Variants in APBA1 observed in about 807,000 individuals in gnomAD.
APBA1 encodes amyloid-beta A4 precursor protein-binding family A member 1.
Under a neutral mutation model 86.6 loss-of-function variants are expected in APBA1, and 55 were observed. That is an observed-to-expected ratio of 0.64 (90% CI 0.51 to 0.80). The LOEUF is 0.80. Ranked by LOEUF, APBA1 falls within the 30% of genes least tolerant of loss-of-function variation. APBA1 has a pLI of 0.00. For synonymous variants in APBA1, 511 were observed against 493.9 expected (o/e 1.03, Z -0.46); for missense variants, 1,090 against 1,183.0 (o/e 0.92, Z 1.15).
At chr9:69,445,451 G>A (rs949990111) in intron 10 of APBA1, among the ~76,000 whole-genome samples, 2 of 152,098 alleles carry the variant, frequency 1.3e-5, no homozygotes, top group Non-Finnish European at 2.9e-5. Context: ...ACAGTGGAAC[G>A]GTACAGCAAA....
At chr9:69,614,003 T>G (rs980071539) in intron 1 of APBA1, among the ~76,000 whole-genome samples, 1 of 152,220 alleles carries the variant, frequency 6.6e-6, no homozygotes, top group South Asian at 2.1e-4. Context: ...TTGAGTTTTA[T>G]CAAAATAATT....
chr9:69,644,648 G>A (rs898604416), intron 1 of APBA1, among the ~76,000 whole-genome samples: 6 of 152,172 alleles, frequency 3.9e-5, no homozygotes, highest in African/African-American at 7.2e-5. Context: ...GACCCCAAGA[G>A]CTTAAGCTTC....
At chr9:69,579,325 T>C (rs865825734) in intron 1 of APBA1, among the ~76,000 whole-genome samples, 34 of 152,270 alleles carry the variant, frequency 2.2e-4, no homozygotes, top group African/African-American at 7.5e-4. Flanking sequence ...CCGAGCAAGA[T>C]GGGGTCATTG....
chr9:69,458,247 C>A, intron 5 of APBA1, 59 bp from the exon 6 acceptor site: 1 of 1,513,192 alleles, frequency 6.6e-7, no homozygotes, highest in East Asian at 2.3e-5. Context: ...TGTAGAGACT[C>A]AAAGTCAAAA....
At chr9:69,513,228 T>C (rs544297694) in intron 2 of APBA1, among the ~76,000 whole-genome samples, 11 of 152,240 alleles carry the variant, frequency 7.2e-5, no homozygotes, top group Non-Finnish European at 1.0e-4. Flanking sequence ...TTTCACCTTT[T>C]GAATGAAACA....
In APBA1 at chr9:69,516,788, C is replaced by G. The variant is rs753806271; in HGVS notation, c.423G>C (p.Thr141=). Residue 141 remains threonine, a synonymous_variant, in exon 2 of 13, where the codon ACG becomes ACC. Coordinates refer to ENST00000265381, the MANE Select transcript of APBA1 (RefSeq NM_001163.4). The surrounding 1 kb of genome is among the most constrained non-coding windows in gnomAD (Gnocchi z 7.3). ...EQAEAEHAEA[T]HRRALPNHLH... ...GGTGGTTGGGCAGCGCGCGGCGGTG[C>G]GTGGCCTCGGCGTGCTCGGCCTCTG... 3.1e-6 allele frequency: 5 copies of G among 1,610,202 alleles called. No homozygotes were observed. Among genetic ancestry groups the G allele is most frequent in the Non-Finnish European group, 4.2e-6 (5 of 1,179,460 alleles).
rs147421033 is a variant in APBA1, at chr9:69,431,354, C to T, written c.2487G>A (p.Thr829=). The T allele has an allele frequency of 3.6e-4, 582 of 1,612,474 alleles. 1 individual carries two copies. Among genetic ancestry groups the T allele is most frequent in the Non-Finnish European group, 4.7e-4 (549 of 1,179,378 alleles). The change falls in exon 13 of 13, where the codon ACG becomes ACA. Residue 829 remains threonine (T), a synonymous_variant. Transcript: ENST00000265381. ...AGATGTAAACAGGCTGCTCCTGGGC[C>T]GTCAGCAGCCTGTACATCGCGGCTG... is the stretch of plus-strand genomic sequence containing the variant. The part of the protein sequence containing the change: ...TMPAAMYRLL[T]AQEQPVYI
At chr9:69,556,852 G>A (rs2133934105) in intron 1 of APBA1, among the ~76,000 whole-genome samples, 1 of 152,246 alleles carries the variant, frequency 6.6e-6, no homozygotes. Context: ...CTCAAGGGCA[G>A]GGACTCATAG....
At chr9:69,650,777 G>A (rs1411697124) in intron 1 of APBA1, among the ~76,000 whole-genome samples, 4 of 152,174 alleles carry the variant, frequency 2.6e-5, no homozygotes, top group East Asian at 1.9e-4. Context: ...AACAGAGCAT[G>A]TATACATACA....
At chr9:69,576,043 T>C (rs1254600642) in intron 1 of APBA1, among the ~76,000 whole-genome samples, 1 of 151,898 alleles carries the variant, frequency 6.6e-6, no homozygotes. Flanking sequence ...AAAAAGTGGG[T>C]GAAGGATATG....
intron 2 of APBA1, among the ~76,000 whole-genome samples, chr9:69,501,291 G>A (rs899987659): frequency 8.6e-5 from 13 of 151,974 alleles, no homozygotes; most frequent in African/African-American, 3.1e-4. Flanking sequence ...CTACATTTTT[G>A]GACTCAGAAC....
At chr9:69,588,563 A>T (rs1822066944) in intron 1 of APBA1, among the ~76,000 whole-genome samples, 2 of 152,020 alleles carry the variant, frequency 1.3e-5, no homozygotes, top group Non-Finnish European at 2.9e-5. Flanking sequence ...CAGTTTGGAG[A>T]GGAAAATAAT....
In APBA1 at chr9:69,658,282, T is replaced by TTCTTTCTTTCTTTCTCTC. The variant is rs1554709948; in HGVS notation, c.-70+13870_-70+13871insGAGAGAAAGAAAGAAAGA. Among the ~76,000 whole-genome samples, 12 of 39,788 alleles carry TTCTTTCTTTCTTTCTCTC rather than the reference T, an allele frequency of 3.0e-4. 1 individual carries two copies. Among genetic ancestry groups the TTCTTTCTTTCTTTCTCTC allele is most frequent in the Non-Finnish European group, 5.6e-4 (9 of 16,006 alleles). 26.1% of individuals were successfully genotyped at this position (39,788 alleles called of 152,430 possible). A position where few individuals can be genotyped will look rare whatever the true frequency, so the allele number is the denominator to read the frequency against. The stretch of plus-strand genomic sequence containing the variant: ...TTTCTTTCTTTCTTTCTTTCTTTCT[T>TTCTTTCTTTCTTTCTCTC]TCTCTCTCTCTTTCTCTCTCTCTCT... On this transcript the variant is annotated intron_variant, in intron 1 of 12. Coordinates refer to ENST00000265381, the MANE Select transcript of APBA1 (RefSeq NM_001163.4).
intron 1 of APBA1, among the ~76,000 whole-genome samples, chr9:69,651,632 T>C (rs770570269): frequency 1.3e-5 from 2 of 152,114 alleles, no homozygotes; most frequent in South Asian, 2.1e-4. Context: ...CCCACCACCA[T>C]GCCCAGCTAA....
intron 1 of APBA1, among the ~76,000 whole-genome samples, chr9:69,598,450 TAA>T (rs534725245): frequency 6.9e-6 from 1 of 144,816 alleles, no homozygotes; most frequent in Non-Finnish European, 1.5e-5. Flanking sequence ...GTAAAAAAAT[TAA>T]AAAAAAAAAA....
chr9:69,655,608 T>C (rs1013511892), intron 1 of APBA1, among the ~76,000 whole-genome samples: 1 of 152,114 alleles, frequency 6.6e-6, no homozygotes, highest in Non-Finnish European at 1.5e-5. Context: ...AAAAGATATC[T>C]CATGTTCATA....
intron 1 of APBA1, among the ~76,000 whole-genome samples, chr9:69,604,696 ACG>A (rs1313917986): frequency 9.5e-5 from 12 of 126,208 alleles, no homozygotes; most frequent in African/African-American, 4.3e-4. Context: ...GCACACATGC[ACG>A]CACATGAGGG....
intron 2 of APBA1, among the ~76,000 whole-genome samples, chr9:69,499,024 G>A (rs146552948): frequency 4.6e-5 from 7 of 152,080 alleles, no homozygotes; most frequent in Non-Finnish European, 7.4e-5. Flanking sequence ...TCCCAGCAGC[G>A]GGTCCTTTGG....
intron 1 of APBA1, among the ~76,000 whole-genome samples, chr9:69,667,548 A>G (rs1823865389): frequency 6.7e-6 from 1 of 149,906 alleles, no homozygotes; most frequent in African/African-American, 2.5e-5. Context: ...TTCTGTCTCA[A>G]AAGAATCCTT....
Sources: allele counts gnomAD v4.1 joint callset (sites outside exome capture counted in the v4.1 genomes callset), GRCh38; gene constraint gnomAD v4.1.1; non-coding constraint Gnocchi (gnomAD v3.1); transcripts MANE v1.5; gene names NCBI Gene and HGNC (gene_info 2026-07-23, HGNC 2026-07-21).